The following VAV3 variants were observed in gnomAD, a reference collection of about 807,000 sequenced individuals.
VAV3 encodes vav guanine nucleotide exchange factor 3.
VAV3 carries 94 observed loss-of-function variants against 131.2 expected under a neutral mutation model. The observed-to-expected ratio is 0.72, with a 90% CI of 0.61 to 0.85. VAV3 has a LOEUF of 0.85. Ranked by LOEUF, VAV3 falls within the 40% of genes least tolerant of loss-of-function variation. The probability of loss-of-function intolerance (pLI) is 0.00; values close to 1 mark genes in which losing one functional copy is unlikely to be tolerated. For missense variants in VAV3, 939 were observed against 1,002.7 expected (o/e 0.94, Z 0.86); for synonymous variants, 349 against 342.0 (o/e 1.02, Z -0.22).
rs139088405 is a variant in VAV3, at chr1:107,680,929, C to G, written c.1777+2559G>C. On this transcript the variant is annotated intron_variant, in intron 19 of 26. Transcript: ENST00000370056. Reference sequence around the variant, plus strand: ...ACTATGCTGTGTTTCATTAGCATATCAGCAGGAGGAATTTAAAAAGAAAGA... The same window carrying G: ...ACTATGCTGTGTTTCATTAGCATATGAGCAGGAGGAATTTAAAAAGAAAGA... 3.2e-3 allele frequency among the ~76,000 whole-genome samples: 487 copies of G among 152,224 alleles called. 2 individuals carry two copies. Among genetic ancestry groups the G allele is most frequent in the Non-Finnish European group, 5.1e-3 (344 of 68,020 alleles).
At chr1:107,591,714 A>G (rs1650966455) in intron 25 of VAV3, among the ~76,000 whole-genome samples, 1 of 151,944 alleles carries the variant, frequency 6.6e-6, no homozygotes, top group African/African-American at 2.4e-5. Context: ...ATTCCCACAT[A>G]TTTTTCATTC....
At chr1:107,900,242 T>C (rs1012322583) in intron 1 of VAV3, among the ~76,000 whole-genome samples, 1 of 152,162 alleles carries the variant, frequency 6.6e-6, no homozygotes, top group Non-Finnish European at 1.5e-5. Context: ...ATATGAGAAG[T>C]GAAAACGTGG....
At chr1:107,636,572 T>C (rs749465818) in intron 20 of VAV3, among the ~76,000 whole-genome samples, 29 of 152,276 alleles carry the variant, frequency 1.9e-4, no homozygotes, top group Non-Finnish European at 3.1e-4. Flanking sequence ...TAGCCCACAG[T>C]TGGGCAAAAT....
chr1:107,594,663 A>C (rs539145965), intron 25 of VAV3, among the ~76,000 whole-genome samples: 1 of 152,252 alleles, frequency 6.6e-6, no homozygotes, highest in Admixed American at 6.5e-5. Context: ...TTCATTAAAC[A>C]TGAGACATAA....
chr1:107,705,168 T>G, intron 15 of VAV3, 107 bp from the exon 16 acceptor site: 1 of 866,910 alleles, frequency 1.2e-6, no homozygotes, highest in Non-Finnish European at 1.8e-6. Flanking sequence ...AGAGATCTGA[T>G]TCAAGCAAAA....
intron 15 of VAV3, among the ~76,000 whole-genome samples, chr1:107,729,796 TA>T (rs1662109341): frequency 6.6e-6 from 1 of 152,150 alleles, no homozygotes; most frequent in Non-Finnish European, 1.5e-5. Context: ...ATTGGAAAAA[TA>T]ATAAATACAA....
chr1:107,716,533 C>T (rs112550014), intron 15 of VAV3, among the ~76,000 whole-genome samples: 69 of 152,260 alleles, frequency 4.5e-4, no homozygotes, highest in African/African-American at 1.2e-3. Flanking sequence ...TGATGGATTA[C>T]GTTTATTCAT....
At chr1:107,902,928 G>A (rs940307367) in intron 1 of VAV3, among the ~76,000 whole-genome samples, 1 of 152,138 alleles carries the variant, frequency 6.6e-6, no homozygotes, top group Non-Finnish European at 1.5e-5. Context: ...ACCAAAGGAT[G>A]AATCCCAATG....
At chr1:107,896,377 T>G (rs1671577145) in intron 1 of VAV3, among the ~76,000 whole-genome samples, 1 of 142,982 alleles carries the variant, frequency 7.0e-6, no homozygotes. Flanking sequence ...CTGTCCTCTT[T>G]CATCAAATTA....
At chr1:107,912,338 TAAGAA>T (rs762793089) in intron 1 of VAV3, among the ~76,000 whole-genome samples, 17 of 152,298 alleles carry the variant, frequency 1.1e-4, no homozygotes, top group Non-Finnish European at 1.8e-4. Flanking sequence ...TAAAAATGCA[TAAGAA>T]AACACCACCA....
At chr1:107,799,995 C>A (rs1666749795) in intron 2 of VAV3, among the ~76,000 whole-genome samples, 2 of 152,094 alleles carry the variant, frequency 1.3e-5, no homozygotes, top group African/African-American at 4.8e-5. Flanking sequence ...GATCTCCAGT[C>A]CCATCCATGT....
chr1:107,633,857 G>T (rs931108295), intron 20 of VAV3, among the ~76,000 whole-genome samples: 8 of 151,982 alleles, frequency 5.3e-5, no homozygotes, highest in African/African-American at 1.9e-4. Flanking sequence ...CTAGACAGAG[G>T]CTAACACTAA....
At chr1:107,811,048 T>C (rs17020104) in intron 2 of VAV3, among the ~76,000 whole-genome samples, 23,022 of 152,220 alleles carry the variant, frequency 0.15, 2,019 homozygotes, top group East Asian at 0.29. Flanking sequence ...AGAAGTCCTT[T>C]CTCTACTCAT....
intron 19 of VAV3, among the ~76,000 whole-genome samples, chr1:107,652,126 A>G (rs553174564): frequency 2.6e-5 from 4 of 152,274 alleles, no homozygotes; most frequent in Admixed American, 2.0e-4. Context: ...CACAAGATAC[A>G]GGTCATAAAG....
At chr1:107,885,843 T>C (rs1671007941) in intron 1 of VAV3, among the ~76,000 whole-genome samples, 1 of 152,180 alleles carries the variant, frequency 6.6e-6, no homozygotes, top group African/African-American at 2.4e-5. Flanking sequence ...GTCTCTTATA[T>C]GGCAGACTGT....
At chr1:107,786,607 T>C (rs1041875980) in intron 2 of VAV3, among the ~76,000 whole-genome samples, 4 of 152,244 alleles carry the variant, frequency 2.6e-5, no homozygotes, top group Admixed American at 6.5e-5. Flanking sequence ...TTTGTTGTCA[T>C]TGTCATCATC....
intron 1 of VAV3, among the ~76,000 whole-genome samples, chr1:107,949,376 T>C (rs1356524115): frequency 3.3e-5 from 5 of 152,148 alleles, no homozygotes; most frequent in Non-Finnish European, 7.4e-5. Flanking sequence ...AGTGGCATGA[T>C]CATGGCTCAC....
At chr1:107,821,132 T>C (rs1177026955) in intron 2 of VAV3, among the ~76,000 whole-genome samples, 1 of 152,202 alleles carries the variant, frequency 6.6e-6, no homozygotes, top group East Asian at 1.9e-4. Context: ...TTATTCAAGT[T>C]TCTTAAATAA....
chr1:107,901,291 G>T (rs1316911554), intron 1 of VAV3, among the ~76,000 whole-genome samples: 1 of 152,052 alleles, frequency 6.6e-6, no homozygotes, highest in Non-Finnish European at 1.5e-5. Flanking sequence ...ATACACCAAG[G>T]TATCCTGGAA....
Sources: gnomAD v4.1 joint callset for allele counts (sites outside exome capture counted in the v4.1 genomes callset) on GRCh38, gnomAD v4.1.1 for gene constraint, MANE v1.5 for transcripts, NCBI Gene and HGNC (gene_info 2026-07-23, HGNC 2026-07-21) for gene names.